Variants in PITPNC1 observed in about 807,000 individuals in gnomAD.
The protein encoded by PITPNC1 is cytoplasmic phosphatidylinositol transfer protein 1.
Under a neutral mutation model 44.7 loss-of-function variants are expected in PITPNC1, and 18 were observed. The ratio of observed to expected loss-of-function variants is 0.40; its 90% CI spans 0.28 to 0.60. The LOEUF (loss-of-function observed/expected upper bound fraction) is 0.60. Ranked by LOEUF, PITPNC1 falls within the 20% of genes least tolerant of loss-of-function variation. The probability of loss-of-function intolerance (pLI) is 0.39; values close to 1 mark genes in which losing one functional copy is unlikely to be tolerated. For synonymous variants in PITPNC1, 141 were observed against 149.6 expected (o/e 0.94, Z 0.42); for missense variants, 290 against 418.4 (o/e 0.69, Z 2.68).
chr17:67,387,639 G>A (rs1324784684), intron 1 of PITPNC1, among the ~76,000 whole-genome samples: 1 of 152,180 alleles, frequency 6.6e-6, no homozygotes, highest in Non-Finnish European at 1.5e-5. Context: ...ACTCCAGCCT[G>A]GCTGACAGAG....
chr17:67,623,377 T>C (rs1329277613), intron 5 of PITPNC1, among the ~76,000 whole-genome samples: 1 of 152,098 alleles, frequency 6.6e-6, no homozygotes, highest in Non-Finnish European at 1.5e-5. Flanking sequence ...TTTTCTTTTC[T>C]TTTCTTTTCT....
chr17:67,671,302 GC>G (rs2144403903), intron 7 of PITPNC1, among the ~76,000 whole-genome samples: 1 of 152,300 alleles, frequency 6.6e-6, no homozygotes, highest in Admixed American at 6.5e-5. Flanking sequence ...GTTGAGCATT[GC>G]CCTTTGTAGC....
At chr17:67,655,712 G>A (rs75270143) in intron 6 of PITPNC1, among the ~76,000 whole-genome samples, 1,853 of 152,210 alleles carry the variant, frequency 0.012, 37 homozygotes, top group African/African-American at 0.043. Context: ...GGCAGGAAGT[G>A]TGCTTGAGGC....
intron 1 of PITPNC1, among the ~76,000 whole-genome samples, chr17:67,443,630 G>C (rs1048333203): frequency 1.0e-4 from 11 of 108,104 alleles, no homozygotes; most frequent in African/African-American, 4.1e-4. Context: ...AGAGGACACT[G>C]GTCTTTTTTT....
intron 1 of PITPNC1, among the ~76,000 whole-genome samples, chr17:67,389,008 C>T (rs1179284128): frequency 2.0e-5 from 3 of 152,238 alleles, no homozygotes; most frequent in African/African-American, 4.8e-5. Context: ...AGTCTAGGTG[C>T]AGCATGGCTG....
intron 1 of PITPNC1, among the ~76,000 whole-genome samples, chr17:67,481,138 C>T (rs929124259): frequency 4.6e-5 from 7 of 152,350 alleles, no homozygotes; most frequent in East Asian, 1.9e-4. Flanking sequence ...ACCCAGGAGG[C>T]GGAGGTTGCA....
chr17:67,599,041 T>A (rs1200928688), intron 5 of PITPNC1, among the ~76,000 whole-genome samples: 161 of 111,386 alleles, frequency 1.4e-3, no homozygotes, highest in Middle Eastern at 4.3e-3. Context: ...TATATTTTTT[T>A]TTTTTTTTTT....
chr17:67,387,207 C>T (rs7226214), intron 1 of PITPNC1, among the ~76,000 whole-genome samples: 39,439 of 152,104 alleles, frequency 0.26, 5,462 homozygotes, highest in African/African-American at 0.34. Context: ...TGATGGCCTG[C>T]AACTGACCAA....
chr17:67,673,942 A>G (rs2706689), intron 7 of PITPNC1, among the ~76,000 whole-genome samples: 122,411 of 144,038 alleles, frequency 0.85, 52,024 homozygotes, highest in Admixed American at 0.88. Flanking sequence ...ACTCCAGCCT[A>G]GGGGACAGAG....
chr17:67,532,078 G>A (rs1375996980), intron 1 of PITPNC1, among the ~76,000 whole-genome samples: 1 of 152,090 alleles, frequency 6.6e-6, no homozygotes, highest in Non-Finnish European at 1.5e-5. Context: ...ATTATTTTAG[G>A]GTAAGACAGG....
At chr17:67,658,770 C>G (rs2042303726) in intron 6 of PITPNC1, among the ~76,000 whole-genome samples, 1 of 152,054 alleles carries the variant, frequency 6.6e-6, no homozygotes. Context: ...TACTTGCCGT[C>G]TTTGTCCTAT....
At chr17:67,555,703 G>A (rs1168080356) in intron 4 of PITPNC1, among the ~76,000 whole-genome samples, 2 of 151,568 alleles carry the variant, frequency 1.3e-5, no homozygotes, top group Admixed American at 1.3e-4. Flanking sequence ...AGGTAGTTGG[G>A]TGTGGTGGCG....
At chr17:67,443,968 T>C (rs2039056112) in intron 1 of PITPNC1, among the ~76,000 whole-genome samples, 1 of 152,082 alleles carries the variant, frequency 6.6e-6, no homozygotes, top group Non-Finnish European at 1.5e-5. Context: ...AACCTGGATT[T>C]GGCTTTTGGT....
intron 1 of PITPNC1, among the ~76,000 whole-genome samples, chr17:67,443,157 C>T (rs951111834): frequency 3.9e-5 from 6 of 152,074 alleles, no homozygotes. Context: ...AGGGCGCCTG[C>T]CCTGTCTGGC....
chr17:67,433,468 G>A (rs2038888047), intron 1 of PITPNC1, among the ~76,000 whole-genome samples: 2 of 152,144 alleles, frequency 1.3e-5, no homozygotes, highest in South Asian at 4.1e-4. Flanking sequence ...TGGGGAGCCG[G>A]GTGCAGTAAC....
chr17:67,453,402 G>C (rs1252604602), intron 1 of PITPNC1, among the ~76,000 whole-genome samples: 1 of 152,070 alleles, frequency 6.6e-6, no homozygotes, highest in Non-Finnish European at 1.5e-5. Context: ...ACTCAATCTC[G>C]AAATGACTAA....
chr17:67,596,335 G>A (rs1027757134), intron 5 of PITPNC1, among the ~76,000 whole-genome samples: 2 of 151,850 alleles, frequency 1.3e-5, no homozygotes, highest in African/African-American at 4.8e-5. Flanking sequence ...TTGTACACGT[G>A]GTATGTCTTT....
intron 2 of PITPNC1, among the ~76,000 whole-genome samples, chr17:67,546,939 G>T (rs1348362308): frequency 6.6e-6 from 1 of 152,226 alleles, no homozygotes; most frequent in East Asian, 1.9e-4. Flanking sequence ...AGCTGGAGAA[G>T]ATATTTTAAG....
intron 2 of PITPNC1, among the ~76,000 whole-genome samples, chr17:67,549,173 G>T (rs1387521557): frequency 2.0e-5 from 3 of 152,152 alleles, no homozygotes; most frequent in Admixed American, 1.3e-4. Flanking sequence ...AAGAGTTCAG[G>T]CCGGGCGCGG....
Sources: allele counts gnomAD v4.1 joint callset (sites outside exome capture counted in the v4.1 genomes callset), GRCh38; gene constraint gnomAD v4.1.1; transcripts MANE v1.5; gene names NCBI Gene and HGNC (gene_info 2026-07-23, HGNC 2026-07-21).